CREBBP: variants seen among roughly 807,000 people sequenced by gnomAD.
CREBBP encodes the protein CREB binding lysine acetyltransferase, also known as CREB-binding protein.
Under a neutral mutation model 265.0 loss-of-function variants are expected in CREBBP, and 19 were observed. The ratio of observed to expected loss-of-function variants is 0.07; its 90% CI spans 0.05 to 0.11. CREBBP has a LOEUF of 0.11. Among genes scored for constraint, CREBBP ranks in the 10% least tolerant of loss-of-function variants. The pLI is 1.00. For missense variants in CREBBP, 2,525 were observed against 3,219.0 expected (o/e 0.78, Z 5.22); for synonymous variants, 1,457 against 1,223.7 (o/e 1.19, Z -3.98).
chr16:3,830,789 T>A (rs1251725731), intron 2 of CREBBP, among the ~76,000 whole-genome samples: 5 of 152,120 alleles, frequency 3.3e-5, no homozygotes, highest in African/African-American at 1.2e-4. Context: ...AGGATACACA[T>A]TCTATTTTTA....
rs2141214770 is a variant in CREBBP at position 3,773,782 on chromosome 16, C to T, written c.2432G>A (p.Gly811Glu). 1 of 1,613,834 alleles carries T rather than the reference C, an allele frequency of 6.2e-7. No homozygotes were observed. The highest frequency in any genetic ancestry group is 8.5e-7 in the Non-Finnish European group (1 of 1,180,030). Residue 811 changes from glycine (G) to glutamate (E), a missense_variant, in exon 13 of 31, where the codon GGG (glycine) becomes GAG (glutamate). Gly to Glu is a moderately conservative substitution (Grantham distance 98). Transcript: ENST00000262367. The part of the protein sequence containing the change: ...SSSGAMSVGM[G>E]QPPAQTGVSQ... ...CACGCCTGTTTGGGCTGGCGGCTGC[C>T]CCATGCCCACACTCATCGCCCCGCT...
intron 3 of CREBBP, among the ~76,000 whole-genome samples, chr16:3,799,776 C>G (rs756994788): frequency 2.6e-5 from 4 of 152,118 alleles, no homozygotes; most frequent in Non-Finnish European, 4.4e-5. Context: ...CCATGTGGAG[C>G]AGGGGAATGG....
intron 13 of CREBBP, among the ~76,000 whole-genome samples, chr16:3,772,741 T>C (rs1596892301): frequency 6.6e-6 from 1 of 152,074 alleles, no homozygotes; most frequent in East Asian, 1.9e-4. Context: ...ATCTAATATA[T>C]AATAATGACT....
chr16:3,766,626 G>A (rs116533138), intron 16 of CREBBP, among the ~76,000 whole-genome samples: 3,435 of 151,920 alleles, frequency 0.023, 114 homozygotes, highest in African/African-American at 0.076. Flanking sequence ...CCTAGGCTCA[G>A]GCAATCCTGC....
intron 1 of CREBBP, among the ~76,000 whole-genome samples, chr16:3,859,705 A>G (rs1357764364): frequency 6.6e-6 from 1 of 152,192 alleles, no homozygotes; most frequent in Non-Finnish European, 1.5e-5. Flanking sequence ...CTATGTAATG[A>G]AGCCTCCATA....
intron 21 of CREBBP, among the ~76,000 whole-genome samples, chr16:3,747,751 A>C (rs925190717): frequency 1.3e-5 from 2 of 152,086 alleles, no homozygotes; most frequent in African/African-American, 4.8e-5. Context: ...TCACGAGGTC[A>C]GGAGTTCAAG....
chr16:3,792,742 T>C (rs1021393673), intron 4 of CREBBP, among the ~76,000 whole-genome samples: 2 of 152,090 alleles, frequency 1.3e-5, no homozygotes, highest in Non-Finnish European at 2.9e-5. Context: ...GGAAAGAGAA[T>C]AAAGATTAAA....
At chr16:3,841,995 T>C (rs567913588) in intron 2 of CREBBP, among the ~76,000 whole-genome samples, 1 of 152,198 alleles carries the variant, frequency 6.6e-6, no homozygotes, top group Non-Finnish European at 1.5e-5. Flanking sequence ...GACTGAGTAC[T>C]GGGAGCTGAT....
intron 2 of CREBBP, among the ~76,000 whole-genome samples, chr16:3,849,359 C>T (rs1249056448): frequency 2.0e-5 from 3 of 147,724 alleles, no homozygotes; most frequent in Admixed American, 2.0e-4. Context: ...CCAGGCCTTT[C>T]CCTAGCAGAG....
chr16:3,771,758 T>C (rs2053014555), intron 13 of CREBBP, among the ~76,000 whole-genome samples: 1 of 150,826 alleles, frequency 6.6e-6, no homozygotes, highest in African/African-American at 2.4e-5. Context: ...AGTGGGATGG[T>C]GACAGAATTC....
chr16:3,868,483 G>A (rs1038362115), intron 1 of CREBBP, among the ~76,000 whole-genome samples: 1 of 128,728 alleles, frequency 7.8e-6, no homozygotes, highest in Non-Finnish European at 1.8e-5. Context: ...TAAATCACAG[G>A]AGCTCCCCCA....
In CREBBP at chr16:3,793,558, A is replaced by G. The variant is rs2053547762; in HGVS notation, c.1044T>C (p.Pro348=). Residue 348 remains proline (P), a synonymous_variant, in exon 4 of 31, where the codon CCT becomes CCC. Coordinates refer to ENST00000262367, the MANE Select transcript of CREBBP (RefSeq NM_004380.3). ...GCTGCTGTATCAGTTTGCGTTTTTC[A>G]GGATCTGCAGTGGGGCCTGTTGCAA... ...QAIATGPTAD[P]EKRKLIQQQL... 2 of 1,614,054 alleles carry G rather than the reference A, an allele frequency of 1.2e-6. No homozygotes were observed. The highest frequency in any genetic ancestry group is 2.2e-5 in the South Asian group (2 of 91,080).
Position 3,780,823 on chromosome 16 carries a change from G to C in CREBBP, c.1732C>G (p.Pro578Ala). 2 of 1,613,916 alleles carry C rather than the reference G, an allele frequency of 1.2e-6. No individual in the cohort carries two copies. Among genetic ancestry groups the C allele is most frequent in the Non-Finnish European group, 1.7e-6 (2 of 1,180,026 alleles). Residue 578 changes from proline (P) to alanine (A), a missense_variant, in exon 8 of 31, where the codon CCA becomes GCA. By Grantham distance (27) the Pro-to-Ala change is conservative. Coordinates refer to ENST00000262367, the MANE Select transcript of CREBBP (RefSeq NM_004380.3). ...SGNIGTLSTI[P>A]TAAPPSSTGV... is the part of the protein sequence containing the mutation. ...GTGCTAGAAGGAGGAGCTGCTGTTG[G>C]TATAGTGCTGAGGGTTCCAATGTTA...
intron 13 of CREBBP, among the ~76,000 whole-genome samples, chr16:3,772,207 C>T (rs557201395): frequency 5.3e-5 from 8 of 151,116 alleles, no homozygotes; most frequent in African/African-American, 1.9e-4. Context: ...GTTGCTTCTT[C>T]CCTGGGGACT....
intron 3 of CREBBP, among the ~76,000 whole-genome samples, chr16:3,805,133 C>T (rs967109457): frequency 1.3e-5 from 2 of 152,166 alleles, no homozygotes; most frequent in East Asian, 1.9e-4. Context: ...TTATACTTAG[C>T]GGCATTTGAA....
At chr16:3,862,817 C>T (rs1038621485) in intron 1 of CREBBP, among the ~76,000 whole-genome samples, 1 of 152,168 alleles carries the variant, frequency 6.6e-6, no homozygotes, top group Non-Finnish European at 1.5e-5. Flanking sequence ...TCCGTCCCTG[C>T]CTCTTTGGAA....
At position 3,850,661 on chromosome 16, in the gene CREBBP, G is replaced by T; in HGVS notation, c.434C>A (p.Pro145His). ...CGGATTCAGTGCTTGGGAGGCAGCGGGGGTGGGCCCAGAGGTGCTGGCTGC... is the reference window on the plus strand; with the variant it reads ...CGGATTCAGTGCTTGGGAGGCAGCGTGGGTGGGCCCAGAGGTGCTGGCTGC... ...KQAASTSGPT[P>H]AASQALNPQA... Residue 145 changes from proline (P) to histidine (H), a missense_variant, in exon 2 of 31, where the codon CCC becomes CAC. Pro to His is a moderately conservative substitution (Grantham distance 77). This residue lies in a region of CREBBP where 356 missense variants were observed against 340.4 expected (regional missense o/e 1.05). Coordinates refer to ENST00000262367, the MANE Select transcript of CREBBP (RefSeq NM_004380.3). The T allele has an allele frequency of 6.2e-7, 1 of 1,614,204 alleles. No individual in the cohort carries two copies. The highest frequency in any genetic ancestry group is 8.5e-7 in the Non-Finnish European group (1 of 1,180,048).
intron 2 of CREBBP, among the ~76,000 whole-genome samples, chr16:3,834,385 C>A (rs2054401598): frequency 6.6e-6 from 1 of 152,182 alleles, no homozygotes; most frequent in Admixed American, 6.5e-5. Context: ...GGGATAATTG[C>A]CATGAAAAGA....
At chr16:3,839,357 G>A (rs900174679) in intron 2 of CREBBP, among the ~76,000 whole-genome samples, 2 of 152,110 alleles carry the variant, frequency 1.3e-5, no homozygotes, top group African/African-American at 4.8e-5. Flanking sequence ...ATATACATAT[G>A]CAATCTCATT....
Sources: allele counts gnomAD v4.1 joint callset (sites outside exome capture counted in the v4.1 genomes callset), GRCh38; gene constraint gnomAD v4.1.1; regional missense constraint gnomAD v4.1.1; transcripts MANE v1.5; gene names NCBI Gene and HGNC (gene_info 2026-07-23, HGNC 2026-07-21).